TMEM178B: variants seen among roughly 807,000 people sequenced by gnomAD.
The protein encoded by TMEM178B is transmembrane protein 178B.
A neutral mutation model predicts 31.0 loss-of-function variants in TMEM178B; 5 were observed. The observed-to-expected ratio is 0.16, with a 90% confidence interval of 0.08 to 0.34. The LOEUF is 0.34. TMEM178B is among the 10% of genes least tolerant of loss of function. The probability of loss-of-function intolerance (pLI) is 1.00; values close to 1 mark genes in which losing one functional copy is unlikely to be tolerated. For synonymous variants in TMEM178B, 164 were observed against 164.0 expected, an observed-to-expected ratio of 1.00 and a Z score of 0.00; for missense variants, 275 against 400.3, an observed-to-expected ratio of 0.69 and a Z score of 2.67.
intron 1 of TMEM178B, among the ~76,000 whole-genome samples, chr7:141,103,049 C>T (rs1054491014): frequency 5.9e-5 from 9 of 152,198 alleles, no homozygotes; most frequent in African/African-American, 2.2e-4. Context: ...CAGTTAAATC[C>T]AGGAGCCCAA....
intron 2 of TMEM178B, among the ~76,000 whole-genome samples, chr7:141,396,275 C>A (rs889431733): frequency 6.6e-6 from 1 of 152,170 alleles, no homozygotes; most frequent in African/African-American, 2.4e-5. Context: ...GTTTGCTGCC[C>A]AAAATCCAAA....
At chr7:141,503,830 G>A in the TMEM178B span, among the ~76,000 whole-genome samples, 1 of 152,166 alleles carries the variant, frequency 6.6e-6, no homozygotes, top group African/African-American at 2.4e-5. Flanking sequence ...TTGCACTGTG[G>A]TAAAATTACA....
intron 3 of TMEM178B, among the ~76,000 whole-genome samples, chr7:141,457,336 T>C (rs1419093031): frequency 1.3e-5 from 2 of 152,232 alleles, no homozygotes; most frequent in African/African-American, 4.8e-5. Flanking sequence ...TTGCTGTATA[T>C]ATCCTAATAT....
At chr7:141,282,178 G>T (rs1798376438) in intron 2 of TMEM178B, among the ~76,000 whole-genome samples, 1 of 152,186 alleles carries the variant, frequency 6.6e-6, no homozygotes, top group Non-Finnish European at 1.5e-5. Context: ...AGATGGAGTG[G>T]CCAGGGAAAT....
At chr7:141,450,365 A>T (rs905130538) in intron 3 of TMEM178B, among the ~76,000 whole-genome samples, 1 of 152,256 alleles carries the variant, frequency 6.6e-6, no homozygotes, top group Non-Finnish European at 1.5e-5. Flanking sequence ...AAGAGAAAAT[A>T]AAATCAAACC....
chr7:141,368,345 G>T (rs1161530161), intron 2 of TMEM178B, among the ~76,000 whole-genome samples: 1 of 152,136 alleles, frequency 6.6e-6, no homozygotes, highest in African/African-American at 2.4e-5. Flanking sequence ...CTGAAACCCT[G>T]CTAGTCACTC....
chr7:141,421,968 T>C (rs1801218990), intron 2 of TMEM178B, among the ~76,000 whole-genome samples: 1 of 152,170 alleles, frequency 6.6e-6, no homozygotes. Context: ...AGCTTTTATT[T>C]GTAGGTATTA....
At chr7:141,466,339 A>G (rs541329730) in intron 3 of TMEM178B, among the ~76,000 whole-genome samples, 2 of 152,346 alleles carry the variant, frequency 1.3e-5, no homozygotes, top group East Asian at 3.9e-4. Context: ...GATGAATGTT[A>G]TGAAGAAGTT....
chr7:141,191,792 A>G (rs1796701231), intron 1 of TMEM178B, among the ~76,000 whole-genome samples: 1 of 151,082 alleles, frequency 6.6e-6, no homozygotes, highest in Non-Finnish European at 1.5e-5. Context: ...TTGTTTTTTG[A>G]TTTTGCTTAT....
intron 2 of TMEM178B, among the ~76,000 whole-genome samples, chr7:141,417,840 G>A (rs1558210): frequency 0.31 from 46,812 of 151,806 alleles, 7,405 homozygotes; most frequent in Non-Finnish European, 0.33. Flanking sequence ...TAACAATCTT[G>A]TGAGATAGGT....
At chr7:141,423,812 T>G (rs1021504847) in intron 2 of TMEM178B, among the ~76,000 whole-genome samples, 10 of 148,598 alleles carry the variant, frequency 6.7e-5, no homozygotes, top group African/African-American at 2.5e-4. Flanking sequence ...TGTGTTTTTT[T>G]TTTTTTTTTT....
At chr7:141,098,270 G>A (rs1794998228) in intron 1 of TMEM178B, among the ~76,000 whole-genome samples, 1 of 152,158 alleles carries the variant, frequency 6.6e-6, no homozygotes, top group South Asian at 2.1e-4. Context: ...ACTGGAAAAT[G>A]TCCCCAGTGT....
intron 2 of TMEM178B, among the ~76,000 whole-genome samples, chr7:141,392,664 A>AGT: frequency 6.6e-6 from 1 of 152,204 alleles, no homozygotes; most frequent in South Asian, 2.1e-4. Flanking sequence ...TTCTTTTTCC[A>AGT]AACCGGAATA....
chr7:141,505,901 T>A, the TMEM178B span, among the ~76,000 whole-genome samples: 4 of 152,206 alleles, frequency 2.6e-5, no homozygotes, highest in African/African-American at 9.6e-5. Context: ...GTAGACCAGG[T>A]GCTGACTCCC....
chr7:141,109,002 A>G (rs762590674), intron 1 of TMEM178B, among the ~76,000 whole-genome samples: 1 of 152,132 alleles, frequency 6.6e-6, no homozygotes, highest in Non-Finnish European at 1.5e-5. Flanking sequence ...AGTGAAACGG[A>G]TTTCCCCTTA....
intron 1 of TMEM178B, among the ~76,000 whole-genome samples, chr7:141,192,837 A>G (rs1796719358): frequency 1.3e-5 from 2 of 152,184 alleles, no homozygotes; most frequent in African/African-American, 4.8e-5. Flanking sequence ...TGGTGGTTTC[A>G]TATCTGCCAC....
downstream of TMEM178B, among the ~76,000 whole-genome samples, chr7:141,483,312 G>T (rs976796329): frequency 6.6e-6 from 1 of 152,104 alleles, no homozygotes; most frequent in Non-Finnish European, 1.5e-5. Context: ...TTCCTTTCAT[G>T]TATCCTATAT....
intron 2 of TMEM178B, among the ~76,000 whole-genome samples, chr7:141,334,061 G>T (rs376875467): frequency 1.3e-5 from 2 of 152,202 alleles, no homozygotes; most frequent in African/African-American, 4.8e-5. Flanking sequence ...AAACCTAGGG[G>T]GAAGAGGCTG....
intron 2 of TMEM178B, among the ~76,000 whole-genome samples, chr7:141,407,377 A>G (rs561316996): frequency 3.3e-5 from 5 of 152,374 alleles, no homozygotes; most frequent in African/African-American, 1.2e-4. Context: ...AGTGTCACGT[A>G]GTCAGAAGAT....
Sources: allele counts gnomAD v4.1 joint callset (sites outside exome capture counted in the v4.1 genomes callset), GRCh38; gene constraint gnomAD v4.1.1; transcripts MANE v1.5; gene names NCBI Gene and HGNC (gene_info 2026-07-23, HGNC 2026-07-21).